ETV5: variants seen among roughly 807,000 people sequenced by gnomAD.
The protein encoded by ETV5 is ETS translocation variant 5.
ETV5 carries 10 observed loss-of-function variants against 70.0 expected under a neutral mutation model. The ratio of observed to expected loss-of-function variants is 0.14; its 90% CI spans 0.09 to 0.24. ETV5 has a LOEUF of 0.24. Among genes scored for constraint, ETV5 ranks in the 10% least tolerant of loss-of-function variants. ETV5 has a pLI of 1.00. For missense variants in ETV5, 453 were observed against 651.2 expected, an observed-to-expected ratio of 0.70 and a Z score of 3.31; for synonymous variants, 216 against 242.2, an observed-to-expected ratio of 0.89 and a Z score of 1.01.
chr3:186,057,360 G>A lies in ETV5; in HGVS notation c.1039+63C>T. 2 of 1,600,168 alleles carry A rather than the reference G, an allele frequency of 1.2e-6. No homozygotes were observed. The highest frequency in any genetic ancestry group is 1.7e-6 in the Non-Finnish European group (2 of 1,167,466). ...CACTGGACTTGGGAAGAGAGTCATGGCTGAGGTGTTCTGACACCTCCAAAC... is the reference window on the plus strand; with the variant it reads ...CACTGGACTTGGGAAGAGAGTCATGACTGAGGTGTTCTGACACCTCCAAAC... On this transcript the variant is annotated intron_variant, in intron 10 of 12. Coordinates refer to ENST00000306376, the MANE Select transcript of ETV5 (RefSeq NM_004454.3). The surrounding 1 kb of genome is among the most constrained non-coding windows in gnomAD (Gnocchi z 4.9).
intron 5 of ETV5, among the ~76,000 whole-genome samples, chr3:186,085,121 CCACGTAAAGGCTCAAAGTCACT>C (rs1560052922): frequency 5.2e-3 from 408 of 79,148 alleles, no homozygotes; most frequent in African/African-American, 0.033. Context: ...AAGTCACTTG[CCACGTAAAGGCTCAAAGTCACT>C]TGCCACGTCT....
intron 11 of ETV5, among the ~76,000 whole-genome samples, chr3:186,053,098 G>A (rs1300196675): frequency 1.3e-5 from 2 of 151,748 alleles, no homozygotes; most frequent in Admixed American, 1.3e-4. Context: ...ATATTCCTTC[G>A]ATTATTTTAT....
At chr3:186,049,227 A>C (rs1171828914) in intron 12 of ETV5, among the ~76,000 whole-genome samples, 1 of 152,210 alleles carries the variant, frequency 6.6e-6, no homozygotes. Flanking sequence ...CCACATTTTT[A>C]GTCACTTCCA....
chr3:186,093,413 C>T (rs556679339), intron 5 of ETV5, among the ~76,000 whole-genome samples: 1 of 152,242 alleles, frequency 6.6e-6, no homozygotes, highest in Admixed American at 6.5e-5. Flanking sequence ...TTAAAGGTTT[C>T]CTTCTGCTAA....
intron 5 of ETV5, among the ~76,000 whole-genome samples, chr3:186,089,644 C>T (rs1004557217): frequency 1.3e-5 from 2 of 152,202 alleles, no homozygotes; most frequent in African/African-American, 4.8e-5. Flanking sequence ...TTTCTGGATG[C>T]TGTTTGCATT....
At chr3:186,108,685 C>T (rs1714658023) in intron 1 of ETV5, 2 of 1,157,610 alleles carry the variant, frequency 1.7e-6, no homozygotes, top group South Asian at 3.2e-5. Flanking sequence ...CGGGGCGCCT[C>T]CCCCACGACG....
Position 186,065,975 on chromosome 3 carries a change from G to T in ETV5, c.748C>A (p.Pro250Thr). 6.2e-7 allele frequency: 1 copy of T among 1,611,060 alleles called. No homozygotes were observed. Among genetic ancestry groups the T allele is most frequent in the Middle Eastern group, 1.7e-4 (1 of 6,046 alleles). The change falls in exon 8 of 13, where the codon CCT becomes ACT. Residue 250 changes from proline (P) to threonine (T), a missense_variant. By Grantham distance (38) the Pro-to-Thr change is conservative. Coordinates refer to ENST00000306376, the MANE Select transcript of ETV5 (RefSeq NM_004454.3). ...RPSYHRQMSE[P>T]IVPAAPPPPQ... ...GGCGGGGGAGCTGCAGGGACAATAG[G>T]TTCTGACATTTGCCGATGGTAACTG...
At chr3:186,096,381 C>A (rs1373475823) in intron 5 of ETV5, among the ~76,000 whole-genome samples, 1 of 152,148 alleles carries the variant, frequency 6.6e-6, no homozygotes, top group Non-Finnish European at 1.5e-5. Flanking sequence ...GTATAAAAGA[C>A]CCTCATTAAG....
At position 186,105,985 on chromosome 3, in the gene ETV5, A is replaced by G. The variant is rs1025015824; in HGVS notation, c.-74-43T>C. 3.6e-6 allele frequency: 5 copies of G among 1,381,542 alleles called. No homozygotes were observed. The African/African-American group carries it at 7.2e-5, about 20-fold the overall frequency. The allele number at this position is 1,381,542 out of a possible 1,614,324, so 85.6% of individuals were successfully genotyped here. ...GAGATTTTAACTAAGAGGGGGGAAA[A>G]AAAGAAATGAAACAATTTTAGACTG... On this transcript the variant is annotated intron_variant, in intron 1 of 12. Transcript: ENST00000306376. The surrounding 1 kb of genome is among the most constrained non-coding windows in gnomAD (Gnocchi z 4.5).
Position 186,081,231 on chromosome 3 carries a change from G to T in ETV5, c.233-56C>A. The T allele has an allele frequency of 3.3e-6, 5 of 1,518,986 alleles. No homozygotes were observed. In the South Asian group the frequency reaches 6.1e-5, roughly 19 times the overall value. 94.1% of individuals were successfully genotyped at this position (1,518,986 alleles called of 1,614,324 possible). ...AGAGAGAGAACAGCTGATTAACAGG[G>T]AGCACAATGCTTCCTTCTGCAAACC... On this transcript the variant is annotated intron_variant, in intron 5 of 12. Transcript: ENST00000306376.
chr3:186,046,918 A>C lies in ETV5; in HGVS notation c.*1721T>G, dbSNP rs1364679002. 2 of 231,110 alleles carry C rather than the reference A, an allele frequency of 8.7e-6. No individual in the cohort carries two copies. The highest frequency in any genetic ancestry group is 1.7e-5 in the Non-Finnish European group (2 of 116,504). 14.3% of individuals were successfully genotyped at this position (231,110 alleles called of 1,614,324 possible). ...GGCTAATTAGCTTCCAATAGAGGAG[A>C]ATCTCATGTTTCCATAGCTATAAAG... On this transcript the variant is annotated 3_prime_UTR_variant, in exon 13 of 13. Coordinates refer to ENST00000306376, the MANE Select transcript of ETV5 (RefSeq NM_004454.3).
intron 1 of ETV5, chr3:186,108,325 T>A: frequency 4.3e-6 from 2 of 464,928 alleles, no homozygotes; most frequent in Non-Finnish European, 8.4e-6. Context: ...TTTTCTCGAG[T>A]CGCCGCACAG....
intron 5 of ETV5, among the ~76,000 whole-genome samples, chr3:186,084,653 A>C (rs1485053209): frequency 6.6e-6 from 1 of 152,130 alleles, no homozygotes. Flanking sequence ...CAGTATGCTG[A>C]ATTCAAGCCC....
At chr3:186,104,009 AG>A (rs1296436503) in intron 5 of ETV5, among the ~76,000 whole-genome samples, 2 of 152,238 alleles carry the variant, frequency 1.3e-5, no homozygotes, top group Non-Finnish European at 2.9e-5. Flanking sequence ...ACCTACCCAG[AG>A]ATAAAACAAA....
intron 5 of ETV5, among the ~76,000 whole-genome samples, chr3:186,102,621 G>C (rs1199104855): frequency 1.7e-5 from 2 of 116,314 alleles, no homozygotes; most frequent in African/African-American, 7.0e-5. Context: ...TGGGTGACGA[G>C]CAAAACTCTC....
Position 186,079,833 on chromosome 3 carries a change from A to G in ETV5, c.634T>C (p.Tyr212His). The G allele has an allele frequency of 6.3e-7, 1 of 1,599,208 alleles. No homozygotes were observed. Reference protein sequence around the residue: ...QMPKMMPENQYPSEQRFQRQL... With the variant: ...QMPKMMPENQHPSEQRFQRQL... The stretch of plus-strand genomic sequence containing the variant: ...AACACCCACCTCTGTTCTGATGGAT[A>G]CTGGTTTTCAGGCATCATCTTTGGC... The change falls in exon 7 of 13, where the codon TAT becomes CAT. Residue 212 changes from tyrosine (Y) to histidine (H), a missense_variant. Tyr to His is a moderately conservative substitution (Grantham distance 83). Around this residue, in one of 4 missense-constraint regions of ETV5, gnomAD observed 307 missense variants for 344.9 expected, o/e 0.89. Coordinates refer to ENST00000306376, the MANE Select transcript of ETV5 (RefSeq NM_004454.3).
At position 186,057,010 on chromosome 3, in the gene ETV5, TA is replaced by T; in HGVS notation, c.1209+64del. ...GACACAAAAAGCCTCAATGGAAATC[TA>T]AACAAAAAACATCATCAACAACAAC... On this transcript the variant is annotated intron_variant, in intron 11 of 12. Coordinates refer to ENST00000306376, the MANE Select transcript of ETV5 (RefSeq NM_004454.3). This position sits in a 1 kb window ranked among gnomAD's most constrained non-coding sequence, Gnocchi z 4.9. The T allele has an allele frequency of 6.4e-7, 1 of 1,570,478 alleles. No individual in the cohort carries two copies. The highest frequency in any genetic ancestry group is 8.7e-7 in the Non-Finnish European group (1 of 1,151,724).
Position 186,077,930 on chromosome 3 carries a change from C to A in ETV5, c.650+1887G>T, listed in dbSNP as rs1271086533. The A allele has an allele frequency of 5.3e-6, 5 of 941,574 alleles. No homozygotes were observed. In the African/African-American group the frequency reaches 8.6e-5, roughly 16 times the overall value. 58.3% of individuals were successfully genotyped at this position (941,574 alleles called of 1,614,324 possible). ...CATCAGTCTCAAAGGCAGAGTATAA[C>A]AAGAAGTAAGTCCAAAATGCACAGG... On this transcript the variant is annotated intron_variant, in intron 7 of 12. Transcript: ENST00000306376.
intron 6 of ETV5, among the ~76,000 whole-genome samples, chr3:186,080,385 G>C (rs763090828): frequency 1.3e-5 from 2 of 150,178 alleles, no homozygotes; most frequent in South Asian, 4.2e-4. Context: ...AGAATTCTCC[G>C]TGTATGCCTG....
Sources: allele counts gnomAD v4.1 joint callset (sites outside exome capture counted in the v4.1 genomes callset), GRCh38; gene constraint gnomAD v4.1.1; regional missense constraint gnomAD v4.1.1; non-coding constraint Gnocchi (gnomAD v3.1); transcripts MANE v1.5; gene names NCBI Gene and HGNC (gene_info 2026-07-23, HGNC 2026-07-21).